CMSS1: variants seen among roughly 807,000 people sequenced by gnomAD.
The protein encoded by CMSS1 is cms1 ribosomal small subunit homolog.
CMSS1 carries 33 observed loss-of-function variants against 43.5 expected under a neutral mutation model. The ratio of observed to expected loss-of-function variants is 0.76; its 90% CI spans 0.57 to 1.01. The LOEUF is 1.01. Among genes scored for constraint, CMSS1 ranks in the 50% least tolerant of loss-of-function variants. The probability of loss-of-function intolerance (pLI) is 0.00; values close to 1 mark genes in which losing one functional copy is unlikely to be tolerated. For synonymous variants in CMSS1, 115 were observed against 117.2 expected, an observed-to-expected ratio of 0.98 and a Z score of 0.12; for missense variants, 313 against 326.4, an observed-to-expected ratio of 0.96 and a Z score of 0.32.
At chr3:99,842,810 A>T (rs1358463575) in intron 1 of CMSS1, among the ~76,000 whole-genome samples, 1 of 152,178 alleles carries the variant, frequency 6.6e-6, no homozygotes, top group Non-Finnish European at 1.5e-5. Context: ...TGGAATGTTG[A>T]CAGATTTGTA....
intron 1 of CMSS1, among the ~76,000 whole-genome samples, chr3:100,017,566 T>G (rs1377955910): frequency 6.6e-6 from 1 of 152,198 alleles, no homozygotes; most frequent in African/African-American, 2.4e-5. Flanking sequence ...GTCAGCAACA[T>G]GTATCCTGAG....
At chr3:100,172,205 G>T (rs2067115992) in intron 7 of CMSS1, 111 bp from the exon 8 acceptor site, 13 of 936,630 alleles carry the variant, frequency 1.4e-5, no homozygotes, top group South Asian at 1.6e-5. Flanking sequence ...CACAAGGGTA[G>T]CTCCATTTGT....
chr3:100,147,757 G>A (rs2066866354), intron 2 of CMSS1, among the ~76,000 whole-genome samples: 1 of 152,182 alleles, frequency 6.6e-6, no homozygotes, highest in Non-Finnish European at 1.5e-5. Flanking sequence ...CATGCTGCCA[G>A]CAGGCTCCTG....
chr3:100,027,462 T>C (rs920363083), intron 1 of CMSS1, among the ~76,000 whole-genome samples: 12 of 152,054 alleles, frequency 7.9e-5, no homozygotes. Context: ...GAAGAATGAG[T>C]GCTTCTCCAG....
intron 1 of CMSS1, among the ~76,000 whole-genome samples, chr3:100,116,995 A>G (rs533384239): frequency 3.9e-5 from 6 of 152,320 alleles, no homozygotes; most frequent in African/African-American, 1.2e-4. Context: ...ATGGCAAGGT[A>G]GGTATTAGAA....
intron 6 of CMSS1, 24 bp downstream of exon 6, chr3:100,167,864 A>T (rs745544996): frequency 4.7e-6 from 7 of 1,498,120 alleles, no homozygotes; most frequent in Admixed American, 1.8e-5. Context: ...CCTATTCCAT[A>T]TCATAAATGT....
At chr3:99,913,280 A>G (rs116088203) in intron 1 of CMSS1, among the ~76,000 whole-genome samples, 1 of 152,212 alleles carries the variant, frequency 6.6e-6, no homozygotes, top group Non-Finnish European at 1.5e-5. Context: ...TGAGGAACTG[A>G]CAGACTATTT....
intron 1 of CMSS1, among the ~76,000 whole-genome samples, chr3:99,979,836 G>A (rs1430702848): frequency 6.6e-6 from 1 of 152,190 alleles, no homozygotes; most frequent in Non-Finnish European, 1.5e-5. Flanking sequence ...GACAAGATGA[G>A]TTCACATATA....
intron 1 of CMSS1, among the ~76,000 whole-genome samples, chr3:99,876,799 T>C (rs1705548816): frequency 6.6e-6 from 1 of 152,120 alleles, no homozygotes. Context: ...TGAAAGAACT[T>C]CCTCTTTCCC....
At chr3:99,937,007 G>A (rs765335053) in intron 1 of CMSS1, among the ~76,000 whole-genome samples, 20 of 151,882 alleles carry the variant, frequency 1.3e-4, no homozygotes, top group Non-Finnish European at 2.1e-4. Flanking sequence ...GCGTGATCTC[G>A]GGTCACTGCA....
intron 1 of CMSS1, chr3:100,141,671 A>T (rs1207517801): frequency 4.8e-6 from 2 of 413,620 alleles, no homozygotes; most frequent in African/African-American, 4.2e-5. Context: ...GCAACCTTAT[A>T]TTTTCATTTG....
intron 2 of CMSS1, among the ~76,000 whole-genome samples, chr3:100,157,743 C>A (rs763826569): frequency 1.3e-5 from 2 of 152,140 alleles, no homozygotes; most frequent in African/African-American, 2.4e-5. Flanking sequence ...GATCTCCAGT[C>A]GGCTGGCAGG....
At chr3:99,920,026 C>T (rs1400987781) in intron 1 of CMSS1, among the ~76,000 whole-genome samples, 1 of 152,198 alleles carries the variant, frequency 6.6e-6, no homozygotes, top group South Asian at 2.1e-4. Flanking sequence ...TTCTGATTTA[C>T]AAAACTGAAC....
chr3:100,038,757 TCCCAAGTAG>T (rs1282004964), intron 1 of CMSS1, among the ~76,000 whole-genome samples: 1 of 152,124 alleles, frequency 6.6e-6, no homozygotes, highest in Non-Finnish European at 1.5e-5. Flanking sequence ...CACCTCAGCC[TCCCAAGTAG>T]CTGAGATTAC....
At chr3:100,067,493 T>C (rs1037218187) in intron 1 of CMSS1, among the ~76,000 whole-genome samples, 4 of 152,142 alleles carry the variant, frequency 2.6e-5, no homozygotes, top group African/African-American at 4.8e-5. Context: ...ATAGTGAGTG[T>C]TTTTCAGGTG....
intron 1 of CMSS1, among the ~76,000 whole-genome samples, chr3:100,093,297 T>C (rs1405081404): frequency 1.3e-5 from 2 of 152,056 alleles, no homozygotes; most frequent in Non-Finnish European, 1.5e-5. Context: ...ACCAAAACAA[T>C]GTATGTTCAT....
At chr3:99,908,814 G>T (rs1157221172) in intron 1 of CMSS1, among the ~76,000 whole-genome samples, 1 of 151,852 alleles carries the variant, frequency 6.6e-6, no homozygotes, top group Non-Finnish European at 1.5e-5. Flanking sequence ...ACCTTTCTTT[G>T]TATTTTTTGT....
At chr3:99,994,722 G>A (rs1191978833) in intron 1 of CMSS1, among the ~76,000 whole-genome samples, 2 of 152,184 alleles carry the variant, frequency 1.3e-5, no homozygotes, top group Non-Finnish European at 2.9e-5. Flanking sequence ...TGGCTGGGGA[G>A]GCCTCAGAAT....
At chr3:100,134,064 A>G (rs965876048) in intron 1 of CMSS1, among the ~76,000 whole-genome samples, 1 of 152,196 alleles carries the variant, frequency 6.6e-6, no homozygotes, top group South Asian at 2.1e-4. Flanking sequence ...CCTTGGGGTT[A>G]CACTCTATAA....
Sources: gnomAD v4.1 joint callset for allele counts (sites outside exome capture counted in the v4.1 genomes callset) on GRCh38, gnomAD v4.1.1 for gene constraint, MANE v1.5 for transcripts, NCBI Gene and HGNC (gene_info 2026-07-23, HGNC 2026-07-21) for gene names.